SLC10A7: variants seen among roughly 807,000 people sequenced by gnomAD.
SLC10A7 encodes solute carrier family 10 member 7, also known as sodium/bile acid cotransporter 7.
A neutral mutation model predicts 43.2 loss-of-function variants in SLC10A7; 29 were observed. The observed-to-expected ratio is 0.67, with a 90% CI of 0.50 to 0.92. The LOEUF (loss-of-function observed/expected upper bound fraction) is 0.92, where lower values mean the gene tolerates loss of function less well. Among genes scored for constraint, SLC10A7 ranks in the 40% least tolerant of loss-of-function variants. The probability of loss-of-function intolerance (pLI) is 0.00; values close to 1 mark genes in which losing one functional copy is unlikely to be tolerated. For synonymous variants in SLC10A7, 152 were observed against 144.8 expected (o/e 1.05, Z -0.35); for missense variants, 295 against 403.2 (o/e 0.73, Z 2.30).
chr4:146,320,808 A>T (rs898539283), intron 6 of SLC10A7, among the ~76,000 whole-genome samples: 1 of 152,034 alleles, frequency 6.6e-6, no homozygotes, highest in Non-Finnish European at 1.5e-5. Context: ...AGCAGGTGGT[A>T]TAGCTGTGTT....
chr4:146,296,473 G>T (rs1165031722), intron 7 of SLC10A7, among the ~76,000 whole-genome samples: 1 of 152,018 alleles, frequency 6.6e-6, no homozygotes, highest in Non-Finnish European at 1.5e-5. Flanking sequence ...AAGAAACAGG[G>T]TCTCCCAGGT....
At chr4:146,256,799 CAAAG>C in intron 11 of SLC10A7, 1 of 1,485,366 alleles carries the variant, frequency 6.7e-7, no homozygotes, top group Non-Finnish European at 9.1e-7. Flanking sequence ...GTACTGTGTG[CAAAG>C]CAGAGGAGGC....
chr4:146,273,926 C>A (rs1205359247), intron 10 of SLC10A7, among the ~76,000 whole-genome samples: 1 of 152,080 alleles, frequency 6.6e-6, no homozygotes, highest in Non-Finnish European at 1.5e-5. Context: ...TTCTGGGAAG[C>A]AGTGATTCCA....
rs1041923128 is a variant in SLC10A7, at chr4:146,427,428, A to C, written c.435+15355T>G. 2.0e-5 allele frequency among the ~76,000 whole-genome samples: 3 copies of C among 152,110 alleles called. No homozygotes were observed. The East Asian group carries it at 5.8e-4, about 29-fold the overall frequency. ...TTTGCACTGGTAGGAGTTTTTATTCAATTTTTTTTAAGCTGGAAATTTAAC... is the reference window on the plus strand; with the variant it reads ...TTTGCACTGGTAGGAGTTTTTATTCCATTTTTTTTAAGCTGGAAATTTAAC... On this transcript the variant is annotated intron_variant, in intron 5 of 11. Coordinates refer to ENST00000335472, the MANE Select transcript of SLC10A7 (RefSeq NM_001029998.6).
intron 5 of SLC10A7, among the ~76,000 whole-genome samples, chr4:146,415,499 A>T (rs1340899842): frequency 6.6e-6 from 1 of 152,196 alleles, no homozygotes; most frequent in African/African-American, 2.4e-5. Context: ...TTGCTATTAT[A>T]TTCTTATCCA....
intron 1 of SLC10A7, among the ~76,000 whole-genome samples, chr4:146,520,673 T>C (rs3914631): frequency 6.6e-6 from 1 of 151,910 alleles, no homozygotes; most frequent in Admixed American, 6.6e-5. Flanking sequence ...TACTATGAAA[T>C]ATTGTGCCTG....
At chr4:146,414,856 T>C (rs942100999) in intron 5 of SLC10A7, among the ~76,000 whole-genome samples, 1 of 151,940 alleles carries the variant, frequency 6.6e-6, no homozygotes, top group South Asian at 2.1e-4. Flanking sequence ...AAAGCAAAGG[T>C]CAGGTGGGGA....
At chr4:146,479,486 G>T (rs1458143956) in intron 4 of SLC10A7, among the ~76,000 whole-genome samples, 1 of 151,992 alleles carries the variant, frequency 6.6e-6, no homozygotes, top group Admixed American at 6.6e-5. Context: ...AAATACAAAA[G>T]AATTGTGTTA....
Position 146,490,164 on chromosome 4 carries a change from T to C in SLC10A7, c.396+13685A>G, listed in dbSNP as rs182365504. 2.5e-3 allele frequency among the ~76,000 whole-genome samples: 386 copies of C among 152,310 alleles called. 2 individuals carry two copies. The highest frequency in any genetic ancestry group is 9.1e-3 in the African/African-American group (378 of 41,558). The stretch of plus-strand genomic sequence containing the variant: ...TTTTTCATACCAAAATGTGACTATA[T>C]AGCCTATCCTTAAGAGCAAGTATGC... On this transcript the variant is annotated intron_variant, in intron 4 of 11. Coordinates refer to ENST00000335472, the MANE Select transcript of SLC10A7 (RefSeq NM_001029998.6).
At position 146,256,275 on chromosome 4, in the gene SLC10A7, A is replaced by G; in HGVS notation, c.*216T>C. Reference sequence around the variant, plus strand: ...CATTAGGAAAGCAAAATTAACCCCCAAATATTGTACCACCCCTGGCAGTAA... The same window carrying G: ...CATTAGGAAAGCAAAATTAACCCCCGAATATTGTACCACCCCTGGCAGTAA... On this transcript the variant is annotated 3_prime_UTR_variant, in exon 12 of 12. Coordinates refer to ENST00000335472, the MANE Select transcript of SLC10A7 (RefSeq NM_001029998.6). The G allele has an allele frequency of 1.8e-6, 1 of 569,824 alleles. No homozygotes were observed. The highest frequency in any genetic ancestry group is 1.9e-5 in the African/African-American group (1 of 53,000). The allele number at this position is 569,824 out of a possible 1,614,324, so 35.3% of individuals were successfully genotyped here.
Position 146,254,885 on chromosome 4 carries a change from T to C in SLC10A7, c.*1606A>G, listed in dbSNP as rs553427084. 2.2e-4 allele frequency: 33 copies of C among 152,356 alleles called. No individual in the cohort carries two copies. Among genetic ancestry groups the C allele is most frequent in the Admixed American group, 1.9e-3 (29 of 15,304 alleles). 9.4% of individuals were successfully genotyped at this position (152,356 alleles called of 1,614,324 possible). A position where few individuals can be genotyped will look rare whatever the true frequency, so the allele number is the denominator to read the frequency against. ...AGTGTGTACTACAGCCTGGTTAGCA[T>C]AGATTTTTGCAGGATCTGGCATTAG... On this transcript the variant is annotated 3_prime_UTR_variant, in exon 12 of 12. Coordinates refer to ENST00000335472, the MANE Select transcript of SLC10A7 (RefSeq NM_001029998.6).
chr4:146,274,457 G>A (rs374509263), intron 10 of SLC10A7, among the ~76,000 whole-genome samples: 10 of 151,968 alleles, frequency 6.6e-5, no homozygotes, highest in Non-Finnish European at 1.0e-4. Context: ...ACCAGCCTCC[G>A]CCCCCCAAAG....
intron 9 of SLC10A7, among the ~76,000 whole-genome samples, chr4:146,283,797 AC>A (rs1314758774): frequency 6.6e-6 from 1 of 152,120 alleles, no homozygotes; most frequent in African/African-American, 2.4e-5. Context: ...AAAAGCAACA[AC>A]CCCAAAAGGC....
At chr4:146,319,686 G>A (rs751117207) in intron 6 of SLC10A7, among the ~76,000 whole-genome samples, 9 of 151,976 alleles carry the variant, frequency 5.9e-5, no homozygotes, top group Non-Finnish European at 4.4e-5. Flanking sequence ...CTTTTTTGAG[G>A]AATTCTGCTA....
At chr4:146,313,903 C>T (rs917058183) in intron 6 of SLC10A7, among the ~76,000 whole-genome samples, 1 of 152,168 alleles carries the variant, frequency 6.6e-6, no homozygotes, top group African/African-American at 2.4e-5. Flanking sequence ...TAAGTTTCTT[C>T]AAGGCAATTA....
At chr4:146,346,737 T>A (rs1734649524) in intron 5 of SLC10A7, among the ~76,000 whole-genome samples, 2 of 152,116 alleles carry the variant, frequency 1.3e-5, no homozygotes, top group African/African-American at 4.8e-5. Flanking sequence ...TAAGAATATA[T>A]CACAATATGA....
chr4:146,428,320 G>A (rs1729519775), intron 5 of SLC10A7, among the ~76,000 whole-genome samples: 1 of 152,124 alleles, frequency 6.6e-6, no homozygotes. Flanking sequence ...AGCTTCTCCA[G>A]CCCAAGTCAC....
chr4:146,304,360 G>T (rs1055292225), intron 7 of SLC10A7, among the ~76,000 whole-genome samples: 1 of 151,846 alleles, frequency 6.6e-6, no homozygotes, highest in Admixed American at 6.6e-5. Context: ...GCAGAATAAG[G>T]TAAAGACTTG....
chr4:146,448,563 TA>T (rs1166095111), intron 4 of SLC10A7, among the ~76,000 whole-genome samples: 1 of 151,848 alleles, frequency 6.6e-6, no homozygotes, highest in East Asian at 1.9e-4. Context: ...ATGAGGTTAC[TA>T]AATAAAAAAA....
Sources: gnomAD v4.1 joint callset for allele counts (sites outside exome capture counted in the v4.1 genomes callset) on GRCh38, gnomAD v4.1.1 for gene constraint, MANE v1.5 for transcripts, NCBI Gene and HGNC (gene_info 2026-07-23, HGNC 2026-07-21) for gene names.